AGR3: variants seen among roughly 807,000 people sequenced by gnomAD.
The protein encoded by AGR3 is anterior gradient protein 3.
Under a neutral mutation model 24.5 loss-of-function variants are expected in AGR3, and 37 were observed. That is an observed-to-expected ratio of 1.51 (90% CI 1.16 to 1.99). The LOEUF (loss-of-function observed/expected upper bound fraction) is 1.99, where lower values mean the gene tolerates loss of function less well. Ranked by LOEUF, AGR3 falls within the 30% of genes most tolerant of loss-of-function variation. The pLI is 0.00. For missense variants in AGR3, 228 were observed against 191.1 expected (o/e 1.19, Z -1.14); for synonymous variants, 75 against 61.6 (o/e 1.22, Z -1.02).
intron 3 of AGR3, chr7:16,864,452 T>C (rs1781709937): frequency 1.5e-6 from 2 of 1,297,482 alleles, no homozygotes; most frequent in Admixed American, 3.4e-5. Flanking sequence ...TGTCCTCCGT[T>C]AAGCTGGGCT....
intron 3 of AGR3, among the ~76,000 whole-genome samples, chr7:16,871,917 A>C (rs930230810): frequency 2.0e-5 from 3 of 152,162 alleles, no homozygotes; most frequent in Admixed American, 2.0e-4. Context: ...AGATCCCTAC[A>C]AGAAAAACTA....
chr7:16,865,160 C>T, intron 3 of AGR3: 1 of 741,302 alleles, frequency 1.3e-6, no homozygotes, highest in South Asian at 1.6e-5. Flanking sequence ...TAGCTTGGAC[C>T]TCTTGACTTT....
downstream of AGR3, chr7:16,859,339 C>T (rs545374623): frequency 2.5e-6 from 1 of 392,646 alleles, no homozygotes; most frequent in East Asian, 5.4e-5. Flanking sequence ...TTTAGGTCTT[C>T]TTGTCTCCAC....
intron 3 of AGR3, among the ~76,000 whole-genome samples, chr7:16,869,207 G>C (rs543126299): frequency 6.6e-5 from 10 of 152,000 alleles, no homozygotes; most frequent in Non-Finnish European, 1.3e-4. Flanking sequence ...TCTGCTTTAT[G>C]TATTTAGGTA....
intron 7 of AGR3, among the ~76,000 whole-genome samples, 168 bp from the exon 8 acceptor site, chr7:16,859,799 G>A (rs1208547904): frequency 1.3e-5 from 2 of 152,110 alleles, no homozygotes; most frequent in Non-Finnish European, 2.9e-5. Flanking sequence ...TAAATTTAGG[G>A]ATTAGACCAT....
In AGR3 at chr7:16,873,779, C is replaced by T. The variant is rs1258569814; in HGVS notation, c.173+1G>A. 8.7e-6 allele frequency: 14 copies of T among 1,608,354 alleles called. No homozygotes were observed. The highest frequency in any genetic ancestry group is 1.2e-5 in the Non-Finnish European group (14 of 1,175,122). ...AAAAAATGAGCTGAGAAGCATGTTA[C>T]CTTTTTTGAGCATAAAAGAGACCTT... is the stretch of plus-strand genomic sequence containing the variant. On this transcript the variant is annotated splice_donor_variant, in intron 3 of 7. Transcript: ENST00000310398. LOFTEE classifies it high-confidence loss of function.
chr7:16,881,192 C>G (rs536431707), intron 1 of AGR3, among the ~76,000 whole-genome samples: 4 of 152,284 alleles, frequency 2.6e-5, no homozygotes, highest in African/African-American at 9.6e-5. Flanking sequence ...TATTTTAAAG[C>G]TGCGAAGCTT....
chr7:16,861,414 C>T lies in AGR3; in HGVS notation c.337G>A (p.Gly113Arg). The T allele has an allele frequency of 3.7e-6, 6 of 1,609,964 alleles. No homozygotes were observed. The highest frequency in any genetic ancestry group is 2.7e-5 in the African/African-American group (2 of 74,744). ...AACATGATTCTAGGCACATATTGCC[C>T]ATCAGGTGATAAATTCTTATCAGTG... ...ETTDKNLSPDGQYVPRIMFVD... is the reference protein window; with the variant it reads ...ETTDKNLSPDRQYVPRIMFVD... Residue 113 changes from glycine to arginine, a missense_variant, in exon 6 of 8, where the codon GGG becomes AGG. Physicochemically the swap from Gly to Arg is moderately radical, Grantham distance 125. Transcript: ENST00000310398.
intron 3 of AGR3, among the ~76,000 whole-genome samples, chr7:16,867,767 T>G (rs141542784): frequency 1.3e-5 from 2 of 152,332 alleles, no homozygotes; most frequent in African/African-American, 2.4e-5. Flanking sequence ...CTGGCTTGTT[T>G]CACTCACCAT....
chr7:16,878,596 C>T lies in AGR3; in HGVS notation c.23G>A (p.Gly8Asp), dbSNP rs541627351. The T allele has an allele frequency of 2.4e-5, 38 of 1,614,086 alleles. 1 individual carries two copies. In the East Asian group the frequency reaches 2.5e-4, roughly 10 times the overall value. ...AACTGTGACGAGTAAGAGGCAGAGA[C>T]CCAAAGCTGAGTGTAGCATCATGTC... is the stretch of plus-strand genomic sequence containing the variant. MMLHSAL[G>D]LCLLLVTVSS... The change falls in exon 2 of 8, where the codon GGT becomes GAT. Residue 8 changes from glycine (G) to aspartate (D), a missense_variant. Transcript: ENST00000310398.
At chr7:16,881,358 A>T (rs1782113176) in intron 1 of AGR3, among the ~76,000 whole-genome samples, 1 of 152,214 alleles carries the variant, frequency 6.6e-6, no homozygotes, top group Non-Finnish European at 1.5e-5. Context: ...AAAGCAGTAC[A>T]ACTTGTACAC....
chr7:16,858,810 G>A (rs1453951775), downstream of AGR3, among the ~76,000 whole-genome samples: 4 of 152,156 alleles, frequency 2.6e-5, no homozygotes, highest in Admixed American at 6.5e-5. Flanking sequence ...CAGCGGGGAC[G>A]TGGAGGTTGC....
chr7:16,865,507 G>T, intron 3 of AGR3: 1 of 709,692 alleles, frequency 1.4e-6, no homozygotes, highest in South Asian at 1.6e-5. Flanking sequence ...AAGAAACTTT[G>T]ATTATTTTTA....
chr7:16,865,430 T>G, intron 3 of AGR3: 1 of 875,248 alleles, frequency 1.1e-6, no homozygotes. Context: ...TCATCGTAAT[T>G]GTTGGTGCCA....
chr7:16,865,464 G>T, intron 3 of AGR3: 1 of 770,750 alleles, frequency 1.3e-6, no homozygotes. Context: ...AATATTTGAG[G>T]TAGAATGCTC....
chr7:16,881,412 G>T (rs192851735), intron 1 of AGR3, among the ~76,000 whole-genome samples: 44 of 152,188 alleles, frequency 2.9e-4, no homozygotes, highest in African/African-American at 1.0e-3. Flanking sequence ...AAAATATAGT[G>T]TAAACTGCTG....
chr7:16,870,873 A>G (rs1781852590), intron 3 of AGR3, among the ~76,000 whole-genome samples: 1 of 152,158 alleles, frequency 6.6e-6, no homozygotes, highest in Non-Finnish European at 1.5e-5. Context: ...TGCTTGTCCA[A>G]TATTGAAACA....
At position 16,861,435 on chromosome 7, in the gene AGR3, C is replaced by A. The variant is rs749306381; in HGVS notation, c.316G>T (p.Asp106Tyr). 4.3e-6 allele frequency: 7 copies of A among 1,610,220 alleles called. No homozygotes were observed. The highest frequency in any genetic ancestry group is 3.3e-4 in the Middle Eastern group (2 of 6,054). ...IMLNLMHETT[D>Y]KNLSPDGQYV... ...TGCCCATCAGGTGATAAATTCTTAT[C>A]AGTGGTTTCATGCTAGCAGGAGAAG... Residue 106 changes from aspartate (D) to tyrosine (Y), a missense_variant, in exon 6 of 8, where the codon GAT becomes TAT. By Grantham distance (160) the Asp-to-Tyr change is radical. Coordinates refer to ENST00000310398, the MANE Select transcript of AGR3 (RefSeq NM_176813.5).
At chr7:16,877,724 A>T (rs568645879) in intron 2 of AGR3, among the ~76,000 whole-genome samples, 2 of 151,988 alleles carry the variant, frequency 1.3e-5, no homozygotes, top group East Asian at 1.9e-4. Flanking sequence ...TTAGCCGGGC[A>T]TGGTGGCGGG....
Sources: allele counts gnomAD v4.1 joint callset (sites outside exome capture counted in the v4.1 genomes callset), GRCh38; gene constraint gnomAD v4.1.1; transcripts MANE v1.5; gene names NCBI Gene and HGNC (gene_info 2026-07-23, HGNC 2026-07-21).